THSD7B: variants seen among roughly 807,000 people sequenced by gnomAD.
THSD7B encodes thrombospondin type 1 domain containing 7B.
In THSD7B, 138 loss-of-function variants were observed where a neutral mutation model predicts 213.6. The observed-to-expected ratio is 0.65, with a 90% CI of 0.56 to 0.74. The LOEUF is 0.74. Among genes scored for constraint, THSD7B ranks in the 30% least tolerant of loss-of-function variants. The pLI is 0.00. For synonymous variants in THSD7B, 742 were observed against 687.0 expected (o/e 1.08, Z -1.25); for missense variants, 1,931 against 1,991.5 (o/e 0.97, Z 0.58).
At chr2:137,130,720 A>G (rs1688713700) in intron 5 of THSD7B, among the ~76,000 whole-genome samples, 1 of 149,676 alleles carries the variant, frequency 6.7e-6, no homozygotes, top group Non-Finnish European at 1.5e-5. Context: ...ATCATTTTTT[A>G]TGGCTGCATA....
intron 10 of THSD7B, among the ~76,000 whole-genome samples, chr2:137,246,002 G>A (rs989952053): frequency 8.5e-5 from 13 of 152,138 alleles, no homozygotes; most frequent in Non-Finnish European, 1.3e-4. Flanking sequence ...AGCTCTATGC[G>A]GGGTTGGGTT....
intron 2 of THSD7B, among the ~76,000 whole-genome samples, chr2:136,985,345 C>T (rs1397141877): frequency 6.6e-6 from 1 of 152,164 alleles, no homozygotes; most frequent in Non-Finnish European, 1.5e-5. Flanking sequence ...GGATCCAGGC[C>T]CAGGGCTCTT....
chr2:136,910,649 C>T (rs917826029), intron 2 of THSD7B, among the ~76,000 whole-genome samples: 2 of 152,184 alleles, frequency 1.3e-5, no homozygotes, highest in East Asian at 1.9e-4. Context: ...GCTTTGCATA[C>T]GTGAACAATT....
chr2:137,597,467 T>TG (rs1428381651), intron 17 of THSD7B, among the ~76,000 whole-genome samples: 1 of 132,634 alleles, frequency 7.5e-6, no homozygotes, highest in Non-Finnish European at 1.6e-5. Context: ...AAAAAAAACC[T>TG]GTTTTTTTTT....
chr2:137,353,900 G>T (rs990451222), intron 12 of THSD7B, among the ~76,000 whole-genome samples: 5 of 152,020 alleles, frequency 3.3e-5, no homozygotes, highest in Non-Finnish European at 7.4e-5. Flanking sequence ...GTTACAGAAA[G>T]AAAAGAACAC....
chr2:136,900,728 A>G (rs1684049431), intron 2 of THSD7B, among the ~76,000 whole-genome samples: 1 of 152,172 alleles, frequency 6.6e-6, no homozygotes, highest in South Asian at 2.1e-4. Context: ...CAAATATTTC[A>G]TGACAATTTT....
chr2:136,798,185 ACT>A (rs1255667534), intron 1 of THSD7B, among the ~76,000 whole-genome samples: 1 of 151,508 alleles, frequency 6.6e-6, no homozygotes, highest in South Asian at 2.1e-4. Context: ...TTATTTTTCC[ACT>A]CTCATTAGAA....
At chr2:137,314,215 C>CT (rs1411973004) in intron 12 of THSD7B, among the ~76,000 whole-genome samples, 2 of 152,066 alleles carry the variant, frequency 1.3e-5, no homozygotes, top group Non-Finnish European at 2.9e-5. Context: ...TCTTTTTATT[C>CT]TTTTTTCTCT....
intron 12 of THSD7B, among the ~76,000 whole-genome samples, chr2:137,345,869 A>G (rs62165720): frequency 0.57 from 85,841 of 151,362 alleles, 27,517 homozygotes; most frequent in East Asian, 0.78. Context: ...CAGCACACAT[A>G]TATATGAACA....
intron 1 of THSD7B, among the ~76,000 whole-genome samples, chr2:136,838,106 T>C (rs1682870882): frequency 6.6e-6 from 1 of 152,342 alleles, no homozygotes; most frequent in African/African-American, 2.4e-5. Flanking sequence ...AATGCTCAAG[T>C]ATGATACCTG....
At chr2:137,524,934 A>G (rs1463109435) in intron 15 of THSD7B, among the ~76,000 whole-genome samples, 3 of 151,940 alleles carry the variant, frequency 2.0e-5, no homozygotes, top group East Asian at 1.9e-4. Flanking sequence ...GCATTTTGCT[A>G]TTCACTCTCT....
chr2:136,983,089 A>AT (rs1685610885), intron 2 of THSD7B, among the ~76,000 whole-genome samples: 1 of 151,668 alleles, frequency 6.6e-6, no homozygotes, highest in Non-Finnish European at 1.5e-5. Flanking sequence ...AAAAAAAAAA[A>AT]CATTTCTAAT....
At chr2:137,034,171 A>G (rs12472527) in intron 2 of THSD7B, among the ~76,000 whole-genome samples, 88,784 of 151,988 alleles carry the variant, frequency 0.58, 29,765 homozygotes, top group Non-Finnish European at 0.73. Flanking sequence ...GTGTATATGT[A>G]CCACATTTTC....
At chr2:137,637,227 T>C (rs1415914433) in intron 20 of THSD7B, among the ~76,000 whole-genome samples, 8 of 152,242 alleles carry the variant, frequency 5.3e-5, no homozygotes, top group Non-Finnish European at 1.0e-4. Flanking sequence ...TATTGACCAC[T>C]AACCTGGAAG....
At chr2:137,539,341 G>T (rs1476368253) in intron 15 of THSD7B, among the ~76,000 whole-genome samples, 1 of 151,626 alleles carries the variant, frequency 6.6e-6, no homozygotes, top group Non-Finnish European at 1.5e-5. Context: ...TGGCTAGGTG[G>T]TTTGGATCTC....
intron 14 of THSD7B, among the ~76,000 whole-genome samples, chr2:137,421,400 G>T (rs1184525612): frequency 6.6e-6 from 1 of 152,132 alleles, no homozygotes; most frequent in Non-Finnish European, 1.5e-5. Flanking sequence ...TTCAAGTTGG[G>T]GTTCCCACGA....
chr2:137,306,117 A>G (rs1683734840), intron 12 of THSD7B, among the ~76,000 whole-genome samples: 1 of 152,172 alleles, frequency 6.6e-6, no homozygotes, highest in Admixed American at 6.5e-5. Context: ...CCAGGACATT[A>G]CTAGACACTT....
intron 27 of THSD7B, among the ~76,000 whole-genome samples, chr2:137,670,680 G>T (rs1253206315): frequency 6.6e-6 from 1 of 152,016 alleles, no homozygotes; most frequent in Non-Finnish European, 1.5e-5. Context: ...CCAGCACTTT[G>T]GGAGGCCAAG....
chr2:136,815,015 CTATT>C lies in THSD7B; in HGVS notation c.-36+49329_-36+49332del, dbSNP rs1682447917. On this transcript the variant is annotated intron_variant, in intron 1 of 27. Coordinates refer to ENST00000409968, the MANE Select transcript of THSD7B (RefSeq NM_001316349.2). ...AATGCAGCCATGCTCATTAATTTAT[CTATT>C]CATTCATTTATCTGTCTATGGCTAC... Among the ~76,000 whole-genome samples, 7 of 152,282 alleles carry C rather than the reference CTATT, an allele frequency of 4.6e-5. No individual in the cohort carries two copies. The South Asian group carries it at 1.2e-3, about 27-fold the overall frequency.
Sources: gnomAD v4.1 joint callset for allele counts (sites outside exome capture counted in the v4.1 genomes callset) on GRCh38, gnomAD v4.1.1 for gene constraint, MANE v1.5 for transcripts, NCBI Gene and HGNC (gene_info 2026-07-23, HGNC 2026-07-21) for gene names.